RBFOX1: variants seen among roughly 807,000 people sequenced by gnomAD.
The protein encoded by RBFOX1 is RNA binding fox-1 homolog 1.
RBFOX1 carries 8 observed loss-of-function variants against 57.7 expected under a neutral mutation model. The observed-to-expected ratio is 0.14, with a 90% confidence interval of 0.08 to 0.25. The LOEUF is 0.25. Among genes scored for constraint, RBFOX1 ranks in the 10% least tolerant of loss-of-function variants. The pLI is 1.00. For missense variants in RBFOX1, 611 were observed against 548.5 expected, an observed-to-expected ratio of 1.11 and a Z score of -1.14; for synonymous variants, 326 against 222.4, an observed-to-expected ratio of 1.47 and a Z score of -4.15.
intron 3 of RBFOX1, among the ~76,000 whole-genome samples, chr16:5,796,649 T>G (rs559131976): frequency 6.6e-6 from 1 of 152,202 alleles, no homozygotes; most frequent in African/African-American, 2.4e-5. Flanking sequence ...GCTGACTGTT[T>G]ACTTGTCAAT....
chr16:5,519,547 G>A (rs964722822), intron 2 of RBFOX1, among the ~76,000 whole-genome samples: 1 of 152,160 alleles, frequency 6.6e-6, no homozygotes, highest in Admixed American at 6.5e-5. Context: ...AACCAGGGGA[G>A]ACCTTGTCTC....
intron 2 of RBFOX1, among the ~76,000 whole-genome samples, chr16:5,598,167 G>A (rs9927917): frequency 0.18 from 27,298 of 151,540 alleles, 2,758 homozygotes; most frequent in Non-Finnish European, 0.21. Context: ...GTGTGGTGGC[G>A]GGTGCCTATA....
intron 3 of RBFOX1, among the ~76,000 whole-genome samples, chr16:6,902,820 G>A (rs979534479): frequency 8.5e-5 from 13 of 152,148 alleles, no homozygotes; most frequent in African/African-American, 2.7e-4. Flanking sequence ...CATTATCCAT[G>A]ATTGTACACT....
rs531044121 is a variant in RBFOX1, at chr16:6,672,527, AAAAG to A, written c.-16+17884_-16+17887del. On this transcript the variant is annotated intron_variant, in intron 3 of 15. Coordinates refer to ENST00000550418, the MANE Select transcript of RBFOX1 (RefSeq NM_018723.4). Reference sequence around the variant, plus strand: ...AAGGAAGGAAGATGGGAGAAAAAAGAAAAGAAAGAACAGGAGAAAGAAAAGAAAA... The same window carrying A: ...AAGGAAGGAAGATGGGAGAAAAAAGAAAAGAACAGGAGAAAGAAAAGAAAA... Among the ~76,000 whole-genome samples the A allele has an allele frequency of 7.9e-5, 12 of 151,770 alleles. No homozygotes were observed. In the South Asian group the frequency reaches 1.5e-3, roughly 18 times the overall value.
rs57556084 is a variant in RBFOX1, at chr16:6,925,109, G to GTTTTT, written c.-15-126910_-15-126906dup. 3.2e-3 allele frequency among the ~76,000 whole-genome samples: 144 copies of GTTTTT among 45,250 alleles called. 41 individuals carry two copies. Among genetic ancestry groups the GTTTTT allele is most frequent in the African/African-American group, 9.6e-3 (109 of 11,332 alleles). The allele number at this position is 45,250 out of a possible 152,430, so 29.7% of individuals were successfully genotyped here. On this transcript the variant is annotated intron_variant, in intron 3 of 15. Coordinates refer to ENST00000550418, the MANE Select transcript of RBFOX1 (RefSeq NM_018723.4). ...TCGTTGTTGGACATCTAGGTTGTTG[G>GTTTTT]TTTTTTTTTTTTTTTTTTTTTTTTT...
chr16:5,834,687 G>GTAGATAGGTAGATAGA (rs1555541441), intron 3 of RBFOX1, among the ~76,000 whole-genome samples: 1 of 134,802 alleles, frequency 7.4e-6, no homozygotes, highest in African/African-American at 3.2e-5. Context: ...AATGGGATAG[G>GTAGATAGGTAGATAGA]TAGATAGATA....
chr16:7,099,829 G>A (rs1386798701), intron 4 of RBFOX1, among the ~76,000 whole-genome samples: 3 of 152,272 alleles, frequency 2.0e-5, no homozygotes, highest in Admixed American at 2.0e-4. Flanking sequence ...TTCAATAAAG[G>A]GTTATGGAGA....
intron 1 of RBFOX1, among the ~76,000 whole-genome samples, chr16:5,360,264 A>T (rs1170362573): frequency 1.3e-5 from 2 of 152,172 alleles, no homozygotes; most frequent in Non-Finnish European, 2.9e-5. Flanking sequence ...CTGGAGGGCG[A>T]GGGATAATTA....
intron 3 of RBFOX1, among the ~76,000 whole-genome samples, chr16:5,717,277 T>G (rs1236839257): frequency 6.6e-6 from 1 of 152,214 alleles, no homozygotes; most frequent in African/African-American, 2.4e-5. Flanking sequence ...TGAATTTATC[T>G]TTGCACTTCC....
intron 3 of RBFOX1, among the ~76,000 whole-genome samples, chr16:6,790,438 G>A (rs1400271764): frequency 4.6e-5 from 7 of 152,058 alleles, no homozygotes; most frequent in Admixed American, 2.0e-4. Flanking sequence ...ACCCACCTCG[G>A]CCTCCCAAAG....
At chr16:5,966,432 G>A (rs554197259) in intron 4 of RBFOX1, among the ~76,000 whole-genome samples, 10 of 152,264 alleles carry the variant, frequency 6.6e-5, no homozygotes, top group African/African-American at 2.2e-4. Flanking sequence ...CAAGTGTGAG[G>A]TGAGGAGATG....
chr16:7,453,001 T>C (rs1337585748), intron 4 of RBFOX1, among the ~76,000 whole-genome samples: 1 of 151,844 alleles, frequency 6.6e-6, no homozygotes, highest in African/African-American at 2.4e-5. Flanking sequence ...TGGTGGTGCA[T>C]GCCTGTAATT....
intron 3 of RBFOX1, among the ~76,000 whole-genome samples, chr16:5,637,574 T>C (rs2048724845): frequency 6.6e-6 from 1 of 152,212 alleles, no homozygotes; most frequent in African/African-American, 2.4e-5. Flanking sequence ...TAGTTTTAAT[T>C]GCTGTTCATA....
chr16:7,263,494 T>C (rs1208284193), intron 4 of RBFOX1, among the ~76,000 whole-genome samples: 1 of 152,168 alleles, frequency 6.6e-6, no homozygotes, highest in Non-Finnish European at 1.5e-5. Flanking sequence ...TCTCTGGATT[T>C]GGAGCCAGAG....
intron 1 of RBFOX1, among the ~76,000 whole-genome samples, chr16:6,267,393 C>T (rs761145160): frequency 1.3e-5 from 2 of 152,082 alleles, no homozygotes; most frequent in South Asian, 4.1e-4. Flanking sequence ...CCTATGTGTC[C>T]CTCCTCTTCT....
At chr16:5,241,928 T>G (rs545585348) in intron 1 of RBFOX1, among the ~76,000 whole-genome samples, 1 of 150,758 alleles carries the variant, frequency 6.6e-6, no homozygotes, top group African/African-American at 2.5e-5. Context: ...TGGTGAAGCC[T>G]CGCATCTACC....
At chr16:6,094,711 AT>A (rs2096222988) in intron 1 of RBFOX1, among the ~76,000 whole-genome samples, 2 of 152,214 alleles carry the variant, frequency 1.3e-5, no homozygotes, top group African/African-American at 4.8e-5. Context: ...TCATCTGCAC[AT>A]TGGAAATAAT....
chr16:5,256,916 A>G (rs80131175), intron 1 of RBFOX1, among the ~76,000 whole-genome samples: 1 of 151,852 alleles, frequency 6.6e-6, no homozygotes, highest in Non-Finnish European at 1.5e-5. Context: ...CCTGAGTGAC[A>G]GAGTGAGGCT....
chr16:6,950,877 CTCTT>C (rs916659016), intron 3 of RBFOX1, among the ~76,000 whole-genome samples: 12 of 151,026 alleles, frequency 7.9e-5, no homozygotes, highest in African/African-American at 2.2e-4. Flanking sequence ...CTCTCTTTCT[CTCTT>C]TCTGTTTCTT....
Sources: gnomAD v4.1 joint callset for allele counts (sites outside exome capture counted in the v4.1 genomes callset) on GRCh38, gnomAD v4.1.1 for gene constraint, MANE v1.5 for transcripts, NCBI Gene and HGNC (gene_info 2026-07-23, HGNC 2026-07-21) for gene names.